ACSL4: variants seen among roughly 807,000 people sequenced by gnomAD.
The protein encoded by ACSL4 is acyl-CoA synthetase long chain family member 4.
A neutral mutation model predicts 49.1 loss-of-function variants in ACSL4; 9 were observed. That is an observed-to-expected ratio of 0.18 (90% CI 0.11 to 0.32). The LOEUF is 0.32. ACSL4 is among the 10% of genes least tolerant of loss of function. The pLI is 1.00. For synonymous variants in ACSL4, 191 were observed against 170.3 expected, an observed-to-expected ratio of 1.12 and a Z score of -0.95; for missense variants, 333 against 493.7, an observed-to-expected ratio of 0.67 and a Z score of 3.08.
At position 109,717,270 on chromosome X, in the gene ACSL4, G is replaced by A. The variant is rs777011778; in HGVS notation, c.-66+15869C>T. Among the ~76,000 whole-genome samples the A allele has an allele frequency of 6.3e-5, 7 of 110,302 alleles. No individual in the cohort carries two copies. In the South Asian group the frequency reaches 1.6e-3, roughly 25 times the overall value. On this transcript the variant is annotated intron_variant, in intron 1 of 15. Transcript: ENST00000672401. Reference sequence around the variant, plus strand: ...AGCACTTTGGGAGGCCGAGGCGGACGGATCACCTAAGGTCAGTAGTTCAAG... The same window carrying A: ...AGCACTTTGGGAGGCCGAGGCGGACAGATCACCTAAGGTCAGTAGTTCAAG...
At chrX:109,690,726 G>C (rs1383471220) in intron 2 of ACSL4, among the ~76,000 whole-genome samples, 2 of 95,074 alleles carry the variant, frequency 2.1e-5, no homozygotes, top group Non-Finnish European at 4.2e-5. Flanking sequence ...ACAATTTTGA[G>C]CACTAATCTG....
chrX:109,686,268 G>A (rs981996313), intron 2 of ACSL4, among the ~76,000 whole-genome samples: 10 of 111,432 alleles, frequency 9.0e-5, no homozygotes, highest in Non-Finnish European at 1.7e-4. Flanking sequence ...TATAGAACAC[G>A]GACCAGTAGT....
chrX:109,663,441 C>T, intron 12 of ACSL4, 39 bp from the exon 13 acceptor site: 1 of 1,120,852 alleles, frequency 8.9e-7, no homozygotes, highest in Non-Finnish European at 1.2e-6. Flanking sequence ...TGTTCTACAA[C>T]AAATTTCATT....
intron 2 of ACSL4, chrX:109,683,602 G>C (rs913269217): frequency 1.8e-6 from 1 of 566,685 alleles, no homozygotes; most frequent in African/African-American, 2.3e-5. Context: ...GTACAGCCAA[G>C]GCAGTTCAAT....
chrX:109,723,961 A>G (rs977888081), intron 1 of ACSL4, among the ~76,000 whole-genome samples: 1 of 111,737 alleles, frequency 8.9e-6, no homozygotes, highest in African/African-American at 3.3e-5. Context: ...TTTTTTATTC[A>G]CCAGTACTTC....
chrX:109,665,027 A>C (rs1922518041), intron 12 of ACSL4, among the ~76,000 whole-genome samples: 1 of 111,530 alleles, frequency 9.0e-6, no homozygotes, highest in African/African-American at 3.3e-5. Context: ...CTTTTCTGGG[A>C]TCAAGATCTA....
chrX:109,683,630 A>C, intron 2 of ACSL4: 2 of 469,872 alleles, frequency 4.3e-6, no homozygotes, highest in South Asian at 3.4e-5. Flanking sequence ...ATACAGATAA[A>C]AGTTAGTAAT....
chrX:109,670,371 G>C (rs1923072136), intron 9 of ACSL4, among the ~76,000 whole-genome samples: 1 of 110,037 alleles, frequency 9.1e-6, no homozygotes, highest in Non-Finnish European at 1.9e-5. Flanking sequence ...TGGATTGCGA[G>C]GTCAGGAGTT....
At chrX:109,650,852 T>C (rs768359060) in intron 15 of ACSL4, among the ~76,000 whole-genome samples, 10 of 111,954 alleles carry the variant, frequency 8.9e-5, no homozygotes, top group African/African-American at 2.9e-4. Context: ...CTGCCATCCA[T>C]AGGGTTGAGA....
intron 15 of ACSL4, among the ~76,000 whole-genome samples, chrX:109,646,062 G>T (rs1934677348): frequency 8.9e-6 from 1 of 112,198 alleles, no homozygotes; most frequent in Non-Finnish European, 1.9e-5. Flanking sequence ...ACCTGAAAGT[G>T]ATGGGGAGAA....
intron 1 of ACSL4, among the ~76,000 whole-genome samples, chrX:109,730,633 T>C (rs1006701748): frequency 4.5e-5 from 5 of 112,290 alleles, no homozygotes; most frequent in African/African-American, 1.3e-4. Context: ...AGGAAGAAGA[T>C]AGTTGAATGA....
At position 109,674,263 on chromosome X, in the gene ACSL4, C is replaced by T; in HGVS notation, c.1002+139G>A. ...ATGGTACCTAAGATTTTAATGAACA[C>T]ATTTGCTGTGATTTCAACAAGGTAA... On this transcript the variant is annotated intron_variant, in intron 9 of 15. Transcript: ENST00000672401. 8.9e-6 allele frequency: 5 copies of T among 564,481 alleles called. No homozygotes were observed. The South Asian group carries it at 1.4e-4, about 16-fold the overall frequency. The allele number at this position is 564,481 out of a possible 1,213,427, so 46.5% of individuals were successfully genotyped here.
chrX:109,673,277 G>A (rs1423819416), intron 9 of ACSL4, among the ~76,000 whole-genome samples: 1 of 111,680 alleles, frequency 9.0e-6, no homozygotes, highest in Non-Finnish European at 1.9e-5. Flanking sequence ...TATCAGATTG[G>A]TAGAGTTCAA....
chrX:109,647,163 C>T (rs2147354865), intron 15 of ACSL4, among the ~76,000 whole-genome samples: 1 of 111,126 alleles, frequency 9.0e-6, no homozygotes, highest in East Asian at 2.8e-4. Flanking sequence ...CAGCTCTGCA[C>T]CAAGTGGACC....
At chrX:109,713,107 T>G (rs181689497) in intron 1 of ACSL4, among the ~76,000 whole-genome samples, 1 of 106,921 alleles carries the variant, frequency 9.4e-6, no homozygotes, top group Non-Finnish European at 1.9e-5. Context: ...GGGAAAGGGA[T>G]GGGAAAGGAA....
rs191817057 is a variant in ACSL4 at position 109,724,658 on chromosome X, T to A, written c.-66+8481A>T. Among the ~76,000 whole-genome samples the A allele has an allele frequency of 8.0e-3, 884 of 110,940 alleles. 6 individuals carry two copies. The highest frequency in any genetic ancestry group is 0.026 in the African/African-American group (802 of 30,568). On this transcript the variant is annotated intron_variant, in intron 1 of 15. Coordinates refer to ENST00000672401, the MANE Select transcript of ACSL4 (RefSeq NM_001318510.2). Reference sequence around the variant, plus strand: ...TAGGCGTGGTGGCTCACGCCTGTAGTCTCAGCACTTTGGGAAGCTGAGGCA... The same window carrying A: ...TAGGCGTGGTGGCTCACGCCTGTAGACTCAGCACTTTGGGAAGCTGAGGCA...
intron 15 of ACSL4, among the ~76,000 whole-genome samples, chrX:109,644,721 C>G (rs1184660874): frequency 2.7e-5 from 3 of 112,487 alleles, no homozygotes; most frequent in Non-Finnish European, 3.8e-5. Flanking sequence ...AGCTCCCAGC[C>G]TGAGCGACAC....
At chrX:109,656,350 A>G (rs1214207835) in intron 15 of ACSL4, among the ~76,000 whole-genome samples, 1 of 111,432 alleles carries the variant, frequency 9.0e-6, no homozygotes, top group East Asian at 2.8e-4. Context: ...AAGGAAATAT[A>G]ATCATAAAAC....
At chrX:109,701,132 T>C (rs1925889547) in intron 1 of ACSL4, among the ~76,000 whole-genome samples, 2 of 112,390 alleles carry the variant, frequency 1.8e-5, no homozygotes, top group African/African-American at 6.5e-5. Context: ...GTGTCCTTTT[T>C]ATCCAACCAC....
Sources: gnomAD v4.1 joint callset for allele counts (sites outside exome capture counted in the v4.1 genomes callset) on GRCh38, gnomAD v4.1.1 for gene constraint, MANE v1.5 for transcripts, NCBI Gene and HGNC (gene_info 2026-07-23, HGNC 2026-07-21) for gene names.